Variants in MYO18B observed in about 807,000 individuals in gnomAD.
MYO18B encodes unconventional myosin-XVIIIb.
MYO18B carries 204 observed loss-of-function variants against 273.0 expected under a neutral mutation model. The observed-to-expected ratio is 0.75, with a 90% confidence interval of 0.67 to 0.84. MYO18B has a LOEUF of 0.84. Ranked by LOEUF, MYO18B falls within the 40% of genes least tolerant of loss-of-function variation. The pLI, the probability that MYO18B is intolerant of heterozygous loss-of-function variation, is 0.00. For missense variants in MYO18B, 3,212 were observed against 3,287.6 expected, an observed-to-expected ratio of 0.98 and a Z score of 0.56; for synonymous variants, 1,330 against 1,305.7, an observed-to-expected ratio of 1.02 and a Z score of -0.40.
the MYO18B span, among the ~76,000 whole-genome samples, chr22:26,046,900 T>C: frequency 6.6e-6 from 1 of 152,042 alleles, no homozygotes; most frequent in Admixed American, 6.6e-5. Context: ...GCATGGCTGG[T>C]AGTTAGAGCT....
At chr22:25,941,927 C>A (rs2092649176) in intron 34 of MYO18B, among the ~76,000 whole-genome samples, 1 of 152,212 alleles carries the variant, frequency 6.6e-6, no homozygotes, top group Non-Finnish European at 1.5e-5. Context: ...GTAAACTTGG[C>A]CCATTCTTTT....
intron 7 of MYO18B, among the ~76,000 whole-genome samples, chr22:25,772,883 G>C (rs2086773078): frequency 1.3e-5 from 2 of 152,182 alleles, no homozygotes; most frequent in South Asian, 4.1e-4. Flanking sequence ...TTACAGATGA[G>C]AAGAGCCGGC....
chr22:25,886,408 C>T (rs1232489403), intron 25 of MYO18B, among the ~76,000 whole-genome samples: 1 of 152,206 alleles, frequency 6.6e-6, no homozygotes, highest in African/African-American at 2.4e-5. Context: ...GAAGCCATGG[C>T]TTAATCTCCT....
intron 22 of MYO18B, among the ~76,000 whole-genome samples, chr22:25,872,537 C>A (rs556916585): frequency 2.0e-5 from 3 of 152,170 alleles, no homozygotes; most frequent in Non-Finnish European, 2.9e-5. Context: ...GGAGAAAGCA[C>A]TTTGGAAAAT....
Position 25,769,444 on chromosome 22 carries a change from C to T in MYO18B, c.1512+16C>T, listed in dbSNP as rs1479340031. 4.0e-6 allele frequency: 6 copies of T among 1,498,714 alleles called. No homozygotes were observed. The highest frequency in any genetic ancestry group is 1.4e-5 in the African/African-American group (1 of 71,154). 92.8% of individuals were successfully genotyped at this position (1,498,714 alleles called of 1,614,324 possible). Reference sequence around the variant, plus strand: ...CTCAGACCAGGTGAGGGGGCTGCGGCCCTGGGAGCGGGAAGCGGCAGACAG... The same window carrying T: ...CTCAGACCAGGTGAGGGGGCTGCGGTCCTGGGAGCGGGAAGCGGCAGACAG... On this transcript the variant is annotated intron_variant, in intron 4 of 43. Coordinates refer to ENST00000335473, the MANE Select transcript of MYO18B (RefSeq NM_032608.7).
chr22:25,946,297 C>T (rs779639226), intron 35 of MYO18B, 47 bp downstream of exon 35: 26 of 1,366,466 alleles, frequency 1.9e-5, no homozygotes, highest in South Asian at 2.5e-5. Context: ...CAGCATAGGC[C>T]TCTGGGAGCT....
intron 13 of MYO18B, among the ~76,000 whole-genome samples, chr22:25,825,434 T>A (rs971796561): frequency 3.3e-5 from 5 of 152,066 alleles, no homozygotes; most frequent in Non-Finnish European, 7.4e-5. Flanking sequence ...AACTGAAACT[T>A]AAGGGACGGA....
chr22:25,881,605 G>A (rs897764405), intron 25 of MYO18B, among the ~76,000 whole-genome samples: 3 of 152,140 alleles, frequency 2.0e-5, no homozygotes, highest in African/African-American at 4.8e-5. Context: ...GCCATGCATC[G>A]GCTGTTGGGG....
the MYO18B span, among the ~76,000 whole-genome samples, chr22:26,042,578 T>C: frequency 1.3e-5 from 2 of 152,222 alleles, no homozygotes; most frequent in Non-Finnish European, 2.9e-5. Context: ...TACATAGCTA[T>C]GAGTGTTACA....
chr22:25,997,978 CGAGAGA>C (rs5844669), intron 40 of MYO18B, among the ~76,000 whole-genome samples: 17 of 144,632 alleles, frequency 1.2e-4, no homozygotes, highest in Admixed American at 2.1e-4. Flanking sequence ...CACACACACA[CGAGAGA>C]GAGAGAGAGA....
intron 23 of MYO18B, 139 bp from the exon 24 acceptor site, chr22:25,876,050 G>GTGTGT: frequency 1.6e-6 from 1 of 607,276 alleles, no homozygotes; most frequent in Non-Finnish European, 2.8e-6. Flanking sequence ...GTGTGTATGT[G>GTGTGT]TTTTAAGGTA....
intron 37 of MYO18B, 90 bp from the exon 38 acceptor site, chr22:25,952,196 C>T (rs561973837): frequency 7.0e-7 from 1 of 1,431,190 alleles, no homozygotes; most frequent in Non-Finnish European, 9.5e-7. Context: ...GTGAATAGCT[C>T]CTCCCACCCT....
chr22:25,814,467 A>G (rs751963041), intron 12 of MYO18B, among the ~76,000 whole-genome samples: 1 of 151,700 alleles, frequency 6.6e-6, no homozygotes, highest in Non-Finnish European at 1.5e-5. Context: ...TCCAGACACT[A>G]TTCTAAGAGC....
Position 25,851,722 on chromosome 22 carries a change from G to A in MYO18B, c.3885+143G>A, listed in dbSNP as rs1354743097. ...ATACCCAGGTGGGTGGATCACTTGAGTCCAGGAGTACAAGACCAGCCTGGG... is the reference window on the plus strand; with the variant it reads ...ATACCCAGGTGGGTGGATCACTTGAATCCAGGAGTACAAGACCAGCCTGGG... On this transcript the variant is annotated intron_variant, in intron 21 of 43. Transcript: ENST00000335473. 3 of 669,792 alleles carry A rather than the reference G, an allele frequency of 4.5e-6. No individual in the cohort carries two copies. In the East Asian group the frequency reaches 8.2e-5, roughly 18 times the overall value. The allele number at this position is 669,792 out of a possible 1,614,324, so 41.5% of individuals were successfully genotyped here. A position where few individuals can be genotyped will look rare whatever the true frequency, so the allele number is the denominator to read the frequency against.
chr22:25,997,370 T>G (rs1269689591), intron 40 of MYO18B, among the ~76,000 whole-genome samples: 1 of 99,976 alleles, frequency 1.0e-5, no homozygotes, highest in Non-Finnish European at 2.1e-5. Context: ...TGTTAAAAAA[T>G]TATTTAAGAT....
At chr22:25,809,121 T>C (rs1215280523) in intron 12 of MYO18B, among the ~76,000 whole-genome samples, 2 of 152,084 alleles carry the variant, frequency 1.3e-5, no homozygotes, top group Non-Finnish European at 2.9e-5. Flanking sequence ...TTTTGTATTT[T>C]TAGTAGAGAT....
intron 22 of MYO18B, among the ~76,000 whole-genome samples, chr22:25,872,500 G>A (rs1476591870): frequency 9.9e-5 from 15 of 152,192 alleles, no homozygotes; most frequent in Non-Finnish European, 8.8e-5. Flanking sequence ...TCCTCATAGA[G>A]CTGTTTGAGT....
At chr22:25,833,379 G>T (rs950511700) in intron 16 of MYO18B, among the ~76,000 whole-genome samples, 3 of 152,178 alleles carry the variant, frequency 2.0e-5, no homozygotes, top group Non-Finnish European at 4.4e-5. Context: ...GCTGTGCCCA[G>T]CAGAGACTGG....
rs375841800 is a variant in MYO18B, at chr22:25,903,857, C to T, written c.5148+26C>T. The T allele has an allele frequency of 3.8e-6, 6 of 1,571,172 alleles. No individual in the cohort carries two copies. The African/African-American group carries it at 4.1e-5, about 11-fold the overall frequency. The stretch of plus-strand genomic sequence containing the variant: ...GTAGGAAAGCCCTGTCTCAGGGCAA[C>T]ACCCTGTCCCATGTCTCCAATGCAG... On this transcript the variant is annotated intron_variant, in intron 31 of 43. Coordinates refer to ENST00000335473, the MANE Select transcript of MYO18B (RefSeq NM_032608.7).
Sources: allele counts gnomAD v4.1 joint callset (sites outside exome capture counted in the v4.1 genomes callset), GRCh38; gene constraint gnomAD v4.1.1; transcripts MANE v1.5; gene names NCBI Gene and HGNC (gene_info 2026-07-23, HGNC 2026-07-21).